The following MSI2 variants were observed in gnomAD, a reference collection of about 807,000 sequenced individuals.
MSI2 encodes the protein RNA-binding protein Musashi homolog 2.
Under a neutral mutation model 45.6 loss-of-function variants are expected in MSI2, and 17 were observed. That is an observed-to-expected ratio of 0.37 (90% CI 0.26 to 0.56). The LOEUF (loss-of-function observed/expected upper bound fraction) is 0.56. MSI2 is among the 20% of genes least tolerant of loss of function. The pLI is 0.77. For synonymous variants in MSI2, 156 were observed against 158.2 expected, an observed-to-expected ratio of 0.99 and a Z score of 0.11; for missense variants, 293 against 444.2, an observed-to-expected ratio of 0.66 and a Z score of 3.06.
intron 8 of MSI2, among the ~76,000 whole-genome samples, chr17:57,603,598 A>G (rs1472041203): frequency 1.3e-5 from 2 of 152,240 alleles, no homozygotes; most frequent in African/African-American, 2.4e-5. Context: ...TGATAACTTC[A>G]CGTTTCCCCC....
rs553568942 is a variant in MSI2, at chr17:57,392,767, C to T, written c.313-8612C>T. 4.3e-4 allele frequency among the ~76,000 whole-genome samples: 66 copies of T among 152,162 alleles called. 1 individual carries two copies. The highest frequency in any genetic ancestry group is 3.1e-3 in the Admixed American group (48 of 15,282). ...CCTGTGGAATTGATGAGAGACGAAG[C>T]GGTGGGAATGGTGGGCAGGCACACT... On this transcript the variant is annotated intron_variant, in intron 5 of 13. Coordinates refer to ENST00000284073, the MANE Select transcript of MSI2 (RefSeq NM_138962.4).
chr17:57,496,212 C>A (rs1370860370), intron 6 of MSI2, among the ~76,000 whole-genome samples: 4 of 152,186 alleles, frequency 2.6e-5, no homozygotes, highest in Non-Finnish European at 5.9e-5. Flanking sequence ...TGTCAATCAC[C>A]CGGTGGATGC....
Position 57,652,204 on chromosome 17 carries a change from A to C in MSI2, c.790+43A>C, listed in dbSNP as rs1388770555. The stretch of plus-strand genomic sequence containing the variant: ...ACAGGCGACTCCCAGGCATGCCCCC[A>C]GTGTGCAGGGGGAGGTCAAGGCCCT... On this transcript the variant is annotated intron_variant, in intron 11 of 13. Coordinates refer to ENST00000284073, the MANE Select transcript of MSI2 (RefSeq NM_138962.4). This position sits in a 1 kb window ranked among gnomAD's most constrained non-coding sequence, Gnocchi z 4.1. The C allele has an allele frequency of 1.3e-6, 2 of 1,566,452 alleles. No homozygotes were observed. The highest frequency in any genetic ancestry group is 2.7e-5 in the African/African-American group (2 of 73,892).
At chr17:57,575,541 C>G (rs566354594) in intron 7 of MSI2, among the ~76,000 whole-genome samples, 1 of 152,242 alleles carries the variant, frequency 6.6e-6, no homozygotes, top group South Asian at 2.1e-4. Context: ...GCCTGAGGAC[C>G]CCGGGATTGA....
At chr17:57,256,966 C>T in intron 1 of MSI2, 132 bp from the exon 2 acceptor site, 1 of 1,463,972 alleles carries the variant, frequency 6.8e-7, no homozygotes. Flanking sequence ...TCGCCGTCAC[C>T]TTCTCCCCCA....
At chr17:57,586,413 G>T (rs971482172) in intron 7 of MSI2, among the ~76,000 whole-genome samples, 2 of 151,454 alleles carry the variant, frequency 1.3e-5, no homozygotes, top group African/African-American at 4.9e-5. Flanking sequence ...GTTCTTTTTA[G>T]GATGCCCCCA....
chr17:57,487,151 G>A (rs1013479237), intron 6 of MSI2, among the ~76,000 whole-genome samples: 3 of 152,180 alleles, frequency 2.0e-5, no homozygotes, highest in Admixed American at 6.5e-5. Flanking sequence ...ACGGGGTGAG[G>A]GAGGAGGCTC....
chr17:57,597,466 TAAAAAAAAAA>T (rs35606406), intron 8 of MSI2, among the ~76,000 whole-genome samples: 1 of 87,136 alleles, frequency 1.1e-5, no homozygotes, highest in African/African-American at 5.1e-5. Flanking sequence ...CCTCATCTCT[TAAAAAAAAAA>T]AAAAAAAAAA....
chr17:57,273,898 A>G (rs1050869613), intron 5 of MSI2, among the ~76,000 whole-genome samples: 7 of 152,178 alleles, frequency 4.6e-5, no homozygotes, highest in African/African-American at 7.2e-5. Context: ...TGTTTTTTTC[A>G]GGGCTATCCA....
At chr17:57,527,466 GC>G (rs369009523) in intron 6 of MSI2, among the ~76,000 whole-genome samples, 1 of 144,494 alleles carries the variant, frequency 6.9e-6, no homozygotes, top group African/African-American at 2.4e-5. Context: ...GTTACCGTCG[GC>G]GGGGGCTCTT....
chr17:57,315,212 T>C (rs967781071), intron 5 of MSI2, among the ~76,000 whole-genome samples: 1 of 152,214 alleles, frequency 6.6e-6, no homozygotes, highest in Non-Finnish European at 1.5e-5. Context: ...TCATGGTCTT[T>C]GGAGCCAAAA....
rs898485325 is a variant in MSI2, at chr17:57,529,555, T to G, written c.406-121T>G. The G allele has an allele frequency of 1.2e-6, 1 of 851,256 alleles. No individual in the cohort carries two copies. The highest frequency in any genetic ancestry group is 1.7e-5 in the African/African-American group (1 of 57,468). The allele number at this position is 851,256 out of a possible 1,614,324, so 52.7% of individuals were successfully genotyped here. A position where few individuals can be genotyped will look rare whatever the true frequency, so the allele number is the denominator to read the frequency against. ...ACTTTTTTGCATTTTCAAATATTTT[T>G]TGATAAGCAACTATTACTTCTGTAA... On this transcript the variant is annotated intron_variant, in intron 6 of 13. Coordinates refer to ENST00000284073, the MANE Select transcript of MSI2 (RefSeq NM_138962.4). The surrounding 1 kb of genome is among the most constrained non-coding windows in gnomAD (Gnocchi z 5.3).
rs1315234426 is a variant in MSI2 at position 57,552,171 on chromosome 17, A to G, written c.454+22447A>G. ...GGCTCTGTCCCCCGACTTCCTCACTAGACCCTCAGGCCATCTGGTCGTGAG... is the reference window on the plus strand; with the variant it reads ...GGCTCTGTCCCCCGACTTCCTCACTGGACCCTCAGGCCATCTGGTCGTGAG... On this transcript the variant is annotated intron_variant, in intron 7 of 13. Coordinates refer to ENST00000284073, the MANE Select transcript of MSI2 (RefSeq NM_138962.4). This position sits in a 1 kb window ranked among gnomAD's most constrained non-coding sequence, Gnocchi z 4.3. Among the ~76,000 whole-genome samples the G allele has an allele frequency of 6.6e-6, 1 of 152,182 alleles. No homozygotes were observed. The highest frequency in any genetic ancestry group is 1.5e-5 in the Non-Finnish European group (1 of 68,036).
chr17:57,581,755 C>T (rs1163152524), intron 7 of MSI2, among the ~76,000 whole-genome samples: 1 of 152,118 alleles, frequency 6.6e-6, no homozygotes, highest in African/African-American at 2.4e-5. Flanking sequence ...ACCAAATGCT[C>T]CTAATGATCT....
chr17:57,447,745 A>G (rs545896398), intron 6 of MSI2, among the ~76,000 whole-genome samples: 2 of 152,184 alleles, frequency 1.3e-5, no homozygotes, highest in East Asian at 3.9e-4. Flanking sequence ...TCACTCTGGA[A>G]CCACCTGCTT....
intron 6 of MSI2, among the ~76,000 whole-genome samples, chr17:57,507,775 A>G (rs1224055792): frequency 6.6e-6 from 1 of 152,072 alleles, no homozygotes; most frequent in African/African-American, 2.4e-5. Context: ...ACTCCGGTGT[A>G]TTTGTCTATC....
chr17:57,473,228 G>A (rs187554536), intron 6 of MSI2, among the ~76,000 whole-genome samples: 17 of 152,304 alleles, frequency 1.1e-4, no homozygotes, highest in Admixed American at 8.5e-4. Context: ...GCTAACAGGC[G>A]GATCACCTTC....
chr17:57,540,970 G>A (rs1186622736), intron 7 of MSI2, among the ~76,000 whole-genome samples: 3 of 152,208 alleles, frequency 2.0e-5, no homozygotes, highest in Middle Eastern at 3.4e-3. Context: ...TATCCTTCTC[G>A]CTCTGTGCCT....
intron 5 of MSI2, among the ~76,000 whole-genome samples, chr17:57,359,246 A>G (rs1179271796): frequency 6.6e-6 from 1 of 152,174 alleles, no homozygotes; most frequent in Non-Finnish European, 1.5e-5. Flanking sequence ...ATGGTGGCAT[A>G]TCTTTGTTCC....
Sources: allele counts gnomAD v4.1 joint callset (sites outside exome capture counted in the v4.1 genomes callset), GRCh38; gene constraint gnomAD v4.1.1; non-coding constraint Gnocchi (gnomAD v3.1); transcripts MANE v1.5; gene names NCBI Gene and HGNC (gene_info 2026-07-23, HGNC 2026-07-21).